The following POM121 variants were observed in gnomAD, a reference collection of about 807,000 sequenced individuals.
POM121 encodes the protein nuclear envelope pore membrane protein POM 121.
Under a neutral mutation model 81.3 loss-of-function variants are expected in POM121, and 32 were observed. The observed-to-expected ratio is 0.39, with a 90% CI of 0.30 to 0.53. POM121 has a LOEUF of 0.53. POM121 is among the 20% of genes least tolerant of loss of function. The pLI, the probability that POM121 is intolerant of heterozygous loss-of-function variation, is 0.66. For synonymous variants in POM121, 514 were observed against 694.2 expected (o/e 0.74, Z 4.08); for missense variants, 1,138 against 1,614.6 (o/e 0.70, Z 5.06).
Position 72,926,941 on chromosome 7 carries a change from G to A in POM121, c.1000G>A (p.Asp334Asn). 1.9e-6 allele frequency: 3 copies of A among 1,614,002 alleles called. No individual in the cohort carries two copies. Among genetic ancestry groups the A allele is most frequent in the Non-Finnish European group, 2.5e-6 (3 of 1,179,872 alleles). The change falls in exon 3 of 13, where the codon GAT becomes AAT. Residue 334 changes from aspartate (D) to asparagine (N), a missense_variant. By Grantham distance (23) the Asp-to-Asn change is conservative (BLOSUM62 1). Around this residue, in one of 7 missense-constraint regions of POM121, gnomAD observed 646 missense variants for 633.5 expected, o/e 1.02. Transcript: ENST00000434423. ...GGAGGAAGAAGACCAAATATTCCTT[G>A]ATGGCCAGGAAAATAAAAGAAGGTA... ...TVEEEDQIFL[D>N]GQENKRRRHD...
intron 5 of POM121, among the ~76,000 whole-genome samples, chr7:72,934,744 G>C (rs1377097290): frequency 1.3e-5 from 2 of 152,080 alleles, no homozygotes; most frequent in Admixed American, 1.3e-4. Flanking sequence ...GTTTTTTACT[G>C]TAGAAATACC....
chr7:72,949,266 T>C (rs1554504239), downstream of POM121: 1 of 832,400 alleles, frequency 1.2e-6, no homozygotes. Flanking sequence ...AGGTCTAAGC[T>C]GCTGTGGACC....
At chr7:72,948,626 A>G (rs545355197), downstream of POM121, 298 of 1,603,666 alleles carry the variant, frequency 1.9e-4, 1 homozygote, top group South Asian at 2.6e-3. Context: ...TAGATGTGCC[A>G]GTACCATCCT....
downstream of POM121, chr7:72,949,668 G>T (rs1472334498): frequency 3.0e-6 from 2 of 669,464 alleles, no homozygotes; most frequent in Non-Finnish European, 5.5e-6. Context: ...CTGCCCCAAG[G>T]GCTAAGGGAT....
At chr7:72,930,506 A>G (rs1795908817) in intron 5 of POM121, among the ~76,000 whole-genome samples, 1 of 152,242 alleles carries the variant, frequency 6.6e-6, no homozygotes, top group Non-Finnish European at 1.5e-5. Context: ...TGTGTTGTAG[A>G]TAAACGGACA....
intron 4 of POM121, among the ~76,000 whole-genome samples, chr7:72,916,400 T>C (rs2129576737): frequency 6.6e-6 from 1 of 152,352 alleles, no homozygotes; most frequent in Middle Eastern, 3.4e-3. Context: ...CTAGCCAGTC[T>C]TCCCAGCACC....
intron 11 of POM121, 72 bp from the exon 12 acceptor site, chr7:72,945,514 A>G: frequency 6.3e-7 from 1 of 1,584,646 alleles, no homozygotes; most frequent in Non-Finnish European, 8.6e-7. Context: ...TGCGGAGCAC[A>G]GGCTCCTGCC....
At chr7:72,898,992 T>TC (rs1792285686) in intron 3 of POM121, among the ~76,000 whole-genome samples, 1 of 132,388 alleles carries the variant, frequency 7.6e-6, no homozygotes, top group South Asian at 2.5e-4. Context: ...TTTTTTTTTT[T>TC]TTTTTTTTTT....
At chr7:72,928,346 G>C (rs1795676449) in intron 3 of POM121, 39 bp from the exon 4 acceptor site, 1 of 1,612,658 alleles carries the variant, frequency 6.2e-7, no homozygotes, top group South Asian at 1.1e-5. Flanking sequence ...GACAAAAAAA[G>C]TCATGTCATT....
rs782054738 is a variant in POM121 at position 72,939,827 on chromosome 7, G to A, written c.1442-20G>A. The A allele has an allele frequency of 8.1e-6, 13 of 1,611,072 alleles. No individual in the cohort carries two copies. The South Asian group carries it at 1.4e-4, about 18-fold the overall frequency. On this transcript the variant is annotated intron_variant, in intron 7 of 12. Transcript: ENST00000434423. ...CTGGAAGAGGGAAGGAAGCAAACGA[G>A]TCTTGATTTCTTTCTTTAGCTGCAG... is the stretch of plus-strand genomic sequence containing the variant.
chr7:72,899,680 A>G (rs1586090478), intron 3 of POM121, among the ~76,000 whole-genome samples: 1 of 148,240 alleles, frequency 6.7e-6, no homozygotes, highest in Non-Finnish European at 1.5e-5. Context: ...CAGGGTTCAC[A>G]CCATTCTCCT....
downstream of POM121, chr7:72,949,314 C>T (rs782050767): frequency 3.2e-5 from 26 of 814,468 alleles, no homozygotes; most frequent in African/African-American, 8.4e-5. Flanking sequence ...CCATCTCACC[C>T]GAGCCACTGC....
chr7:72,906,437 A>G (rs1278710271), intron 3 of POM121, among the ~76,000 whole-genome samples: 9 of 152,204 alleles, frequency 5.9e-5, no homozygotes, highest in Non-Finnish European at 1.2e-4. Context: ...CATGCCACTC[A>G]CTGGTGAAGA....
intron 11 of POM121, among the ~76,000 whole-genome samples, chr7:72,944,900 C>T (rs1464173793): frequency 5.9e-5 from 9 of 152,120 alleles, no homozygotes; most frequent in Non-Finnish European, 1.2e-4. Context: ...AGCCAGTGAG[C>T]CAAGGGTCCT....
intron 3 of POM121, among the ~76,000 whole-genome samples, chr7:72,927,944 G>A (rs1270528375): frequency 1.3e-5 from 2 of 152,084 alleles, no homozygotes; most frequent in Non-Finnish European, 1.5e-5. Flanking sequence ...GGTGCTGCAC[G>A]CTTGTACTCC....
chr7:72,900,688 G>C (rs1375608527), intron 3 of POM121, among the ~76,000 whole-genome samples: 1 of 151,988 alleles, frequency 6.6e-6, no homozygotes, highest in Non-Finnish European at 1.5e-5. Context: ...ATTTTTAGTA[G>C]AGATGGAGTT....
At chr7:72,888,884 T>C (rs1307644730) in intron 1 of POM121, among the ~76,000 whole-genome samples, 10 of 152,200 alleles carry the variant, frequency 6.6e-5, no homozygotes, top group African/African-American at 2.4e-4. Flanking sequence ...GCTTTTTCTG[T>C]CAAGCTTTTT....
rs368136635 is a variant in POM121, at chr7:72,942,869, C to T, written c.2876C>T (p.Pro959Leu). Residue 959 changes from proline (P) to leucine (L), a missense_variant, in exon 11 of 13, where the codon CCG becomes CTG. By Grantham distance (98) the Pro-to-Leu change is moderately conservative. Coordinates refer to ENST00000434423, the MANE Select transcript of POM121 (RefSeq NM_001387691.1). The part of the protein sequence containing the change: ...NIPFGSSAKS[P>L]LPSYPGANPQ... ...CCCTTTGGCTCAAGCGCCAAGTCCCCGCTCCCATCATATCCGGGAGCCAAC... is the reference window on the plus strand; with the variant it reads ...CCCTTTGGCTCAAGCGCCAAGTCCCTGCTCCCATCATATCCGGGAGCCAAC... 47 of 1,590,090 alleles carry T rather than the reference C, an allele frequency of 3.0e-5. No homozygotes were observed. Among genetic ancestry groups the T allele is most frequent in the South Asian group, 9.2e-5 (8 of 87,108 alleles).
At chr7:72,944,551 A>T (rs879945111) in intron 11 of POM121, among the ~76,000 whole-genome samples, 3 of 151,930 alleles carry the variant, frequency 2.0e-5, no homozygotes, top group African/African-American at 7.3e-5. Context: ...TTAGCATGGC[A>T]TGTGTTTCCC....
Sources: allele counts gnomAD v4.1 joint callset (sites outside exome capture counted in the v4.1 genomes callset), GRCh38; gene constraint gnomAD v4.1.1; regional missense constraint gnomAD v4.1.1; transcripts MANE v1.5; gene names NCBI Gene and HGNC (gene_info 2026-07-23, HGNC 2026-07-21).